The following DPP6 variants were observed in gnomAD, a reference collection of about 807,000 sequenced individuals.
DPP6 encodes dipeptidyl peptidase like 6.
DPP6 carries 69 observed loss-of-function variants against 122.6 expected under a neutral mutation model. That is an observed-to-expected ratio of 0.56 (90% CI 0.46 to 0.69). DPP6 has a LOEUF of 0.69. DPP6 is among the 30% of genes least tolerant of loss of function. The pLI is 0.00. For synonymous variants in DPP6, 418 were observed against 433.1 expected, an observed-to-expected ratio of 0.97 and a Z score of 0.43; for missense variants, 928 against 1,116.9, an observed-to-expected ratio of 0.83 and a Z score of 2.41.
chr7:154,884,590 T>G (rs1453090282), intron 21 of DPP6: 1 of 148,394 alleles, frequency 6.7e-6, no homozygotes, highest in Non-Finnish European at 1.5e-5. Flanking sequence ...TACATACACA[T>G]GCTCATACAT....
intron 12 of DPP6, 158 bp downstream of exon 12, chr7:154,796,041 C>T: frequency 8.4e-7 from 1 of 1,190,288 alleles, no homozygotes; most frequent in Admixed American, 3.1e-5. Context: ...CTCACGGTGC[C>T]TCCCGTTCTC....
chr7:153,971,934 G>A (rs1796039961), intron 1 of DPP6, among the ~76,000 whole-genome samples: 2 of 147,554 alleles, frequency 1.4e-5, no homozygotes, highest in African/African-American at 2.5e-5. Context: ...GCTTTCTCTA[G>A]GCAGTGAGCT....
intron 16 of DPP6, among the ~76,000 whole-genome samples, chr7:154,837,356 G>A (rs1249849010): frequency 3.5e-5 from 5 of 143,760 alleles, no homozygotes; most frequent in African/African-American, 8.9e-5. Flanking sequence ...ATGCACACAT[G>A]CATGCATACA....
intron 1 of DPP6, among the ~76,000 whole-genome samples, chr7:153,948,442 A>G (rs1312775250): frequency 6.6e-6 from 1 of 152,092 alleles, no homozygotes. Flanking sequence ...ATTACAGGAA[A>G]ACCAGCAAGC....
At chr7:154,885,602 CCTAA>C (rs1383321091) in intron 21 of DPP6, 27 bp from the exon 22 acceptor site, 20 of 1,552,622 alleles carry the variant, frequency 1.3e-5, no homozygotes, top group Non-Finnish European at 1.6e-5. Flanking sequence ...TGCCAGGACT[CCTAA>C]CTGTCTTCTC....
intron 1 of DPP6, among the ~76,000 whole-genome samples, chr7:153,964,977 T>C (rs1795604605): frequency 9.7e-6 from 1 of 102,812 alleles, no homozygotes; most frequent in African/African-American, 5.0e-5. Context: ...TCATTTCTTT[T>C]CCCTTCCTTC....
At chr7:154,160,140 A>G (rs928591811) in intron 1 of DPP6, among the ~76,000 whole-genome samples, 1 of 151,636 alleles carries the variant, frequency 6.6e-6, no homozygotes, top group Non-Finnish European at 1.5e-5. Flanking sequence ...AATAAAATAC[A>G]TCAGACATAG....
intron 1 of DPP6, among the ~76,000 whole-genome samples, chr7:154,434,860 G>A (rs1403219714): frequency 1.3e-5 from 2 of 152,084 alleles, no homozygotes; most frequent in Non-Finnish European, 2.9e-5. Flanking sequence ...TTGAGATGGA[G>A]TCTCGCTCTG....
chr7:154,063,406 C>G (rs1301873683), intron 1 of DPP6, among the ~76,000 whole-genome samples: 1 of 124,324 alleles, frequency 8.0e-6, no homozygotes, highest in African/African-American at 3.0e-5. Context: ...GCTATCCCCT[C>G]TTCCGCCCCT....
At chr7:153,934,090 C>T (rs902418689) in intron 1 of DPP6, among the ~76,000 whole-genome samples, 2 of 152,160 alleles carry the variant, frequency 1.3e-5, no homozygotes, top group Admixed American at 6.5e-5. Context: ...TGTAGGGTGA[C>T]GCCATCATCA....
chr7:154,441,759 G>A (rs1410930660), intron 1 of DPP6, among the ~76,000 whole-genome samples: 1 of 152,152 alleles, frequency 6.6e-6, no homozygotes, highest in Non-Finnish European at 1.5e-5. Flanking sequence ...ACATTGTGGT[G>A]TCTACAATTA....
At position 154,302,070 on chromosome 7, in the gene DPP6, C is replaced by A. The variant is rs75076746; in HGVS notation, c.244-144144C>A. Among the ~76,000 whole-genome samples, 699 of 152,202 alleles carry A rather than the reference C, an allele frequency of 4.6e-3. 9 individuals are homozygous for A. The highest frequency in any genetic ancestry group is 0.044 in the East Asian group (228 of 5,154). ...CTGACCTCGTGATCTACCCTCTTAA[C>A]GGATTTTTAGTGTGCAAGTTATCTG... On this transcript the variant is annotated intron_variant, in intron 1 of 25. Coordinates refer to ENST00000377770, the MANE Select transcript of DPP6 (RefSeq NM_130797.4).
At chr7:154,779,713 T>G (rs989346939) in intron 10 of DPP6, among the ~76,000 whole-genome samples, 2 of 152,194 alleles carry the variant, frequency 1.3e-5, no homozygotes, top group Admixed American at 6.5e-5. Flanking sequence ...CATCTGGATG[T>G]TGGGGTTGTT....
intron 1 of DPP6, among the ~76,000 whole-genome samples, chr7:154,244,283 T>C (rs1801832468): frequency 6.6e-6 from 1 of 152,178 alleles, no homozygotes; most frequent in African/African-American, 2.4e-5. Flanking sequence ...CCCTAAATTT[T>C]ATATAAAGCA....
upstream of DPP6, among the ~76,000 whole-genome samples, chr7:154,049,682 G>C (rs1412785150): frequency 6.9e-6 from 1 of 144,910 alleles, no homozygotes; most frequent in Non-Finnish European, 1.5e-5. Flanking sequence ...CCGCCTCCCG[G>C]GTTCAAGCAA....
intron 21 of DPP6, chr7:154,885,208 A>C (rs1359465819): frequency 1.1e-5 from 2 of 181,884 alleles, no homozygotes; most frequent in African/African-American, 4.7e-5. Flanking sequence ...TGTGCAGACC[A>C]GGACTTGCGC....
intron 1 of DPP6, among the ~76,000 whole-genome samples, chr7:154,413,317 G>C (rs1457565517): frequency 6.6e-6 from 1 of 152,192 alleles, no homozygotes; most frequent in African/African-American, 2.4e-5. Flanking sequence ...GGGTTTTTAT[G>C]CAGTTATGCA....
exon 1 of DPP6, chr7:153,887,587 C>A: frequency 7.0e-7 from 1 of 1,435,934 alleles, no homozygotes. Flanking sequence ...CGTTTCCATC[C>A]AGTCTTCAGC....
intron 8 of DPP6, among the ~76,000 whole-genome samples, chr7:154,759,855 C>T (rs929962646): frequency 3.9e-5 from 6 of 152,184 alleles, no homozygotes; most frequent in African/African-American, 1.4e-4. Context: ...AGTCTATTCC[C>T]AGCTGGGCGT....
Sources: gnomAD v4.1 joint callset for allele counts (sites outside exome capture counted in the v4.1 genomes callset) on GRCh38, gnomAD v4.1.1 for gene constraint, MANE v1.5 for transcripts, NCBI Gene and HGNC (gene_info 2026-07-23, HGNC 2026-07-21) for gene names.